Variants in MCUB observed in about 807,000 individuals in gnomAD.
The protein encoded by MCUB is mitochondrial calcium uniporter dominant negative subunit beta, also known as calcium uniporter regulatory subunit MCUb, mitochondrial.
MCUB carries 46 observed loss-of-function variants against 41.4 expected under a neutral mutation model. That is an observed-to-expected ratio of 1.11 (90% CI 0.88 to 1.42). The LOEUF (loss-of-function observed/expected upper bound fraction) is 1.42. MCUB is among the 40% of genes most tolerant of loss of function. The pLI is 0.00. For missense variants in MCUB, 403 were observed against 404.9 expected, an observed-to-expected ratio of 1.00 and a Z score of 0.04; for synonymous variants, 148 against 148.2, an observed-to-expected ratio of 1.00 and a Z score of 0.01.
intron 1 of MCUB, among the ~76,000 whole-genome samples, chr4:109,658,319 C>CA (rs1729150038): frequency 6.6e-6 from 1 of 150,674 alleles, no homozygotes; most frequent in Non-Finnish European, 1.5e-5. Flanking sequence ...TTTTTTAAGA[C>CA]AGAGTTTTGC....
chr4:109,663,885 G>A (rs1326496983), intron 3 of MCUB, among the ~76,000 whole-genome samples: 2 of 151,038 alleles, frequency 1.3e-5, no homozygotes, highest in Non-Finnish European at 2.9e-5. Flanking sequence ...GGTTAACCCA[G>A]TAACCACCTG....
intron 1 of MCUB, among the ~76,000 whole-genome samples, chr4:109,590,542 TA>T (rs1399477680): frequency 1.3e-5 from 2 of 152,258 alleles, no homozygotes; most frequent in Non-Finnish European, 2.9e-5. Flanking sequence ...GTGCATACAT[TA>T]CAAGTCAAAT....
intron 4 of MCUB, among the ~76,000 whole-genome samples, chr4:109,679,092 C>A (rs1729654358): frequency 6.9e-6 from 1 of 144,424 alleles, no homozygotes; most frequent in Admixed American, 6.9e-5. Context: ...CCATTAGGGG[C>A]AGCCGGGCAG....
intron 1 of MCUB, among the ~76,000 whole-genome samples, chr4:109,625,882 T>C (rs1728349784): frequency 6.6e-6 from 1 of 152,228 alleles, no homozygotes; most frequent in South Asian, 2.1e-4. Context: ...CTTTAGGTTG[T>C]CTTAAATTAT....
intron 1 of MCUB, among the ~76,000 whole-genome samples, chr4:109,647,494 GT>G (rs1248354253): frequency 6.6e-6 from 1 of 151,536 alleles, no homozygotes; most frequent in Non-Finnish European, 1.5e-5. Context: ...GTTCCTCCAT[GT>G]CTTTTCATGG....
At chr4:109,582,538 T>G (rs541219532) in intron 1 of MCUB, among the ~76,000 whole-genome samples, 1 of 129,242 alleles carries the variant, frequency 7.7e-6, no homozygotes, top group African/African-American at 2.9e-5. Context: ...TAATAAAATT[T>G]AAAAAAAAAA....
At chr4:109,643,375 G>C (rs2126140864) in intron 1 of MCUB, among the ~76,000 whole-genome samples, 1 of 151,500 alleles carries the variant, frequency 6.6e-6, no homozygotes, top group Non-Finnish European at 1.5e-5. Flanking sequence ...AGCAAGGACG[G>C]GGTTTCAGTA....
At chr4:109,669,974 AG>A (rs2126147453) in intron 4 of MCUB, among the ~76,000 whole-genome samples, 1 of 152,204 alleles carries the variant, frequency 6.6e-6, no homozygotes, top group South Asian at 2.1e-4. Context: ...AGTTATTTCA[AG>A]TTGCTAGTCC....
intron 4 of MCUB, among the ~76,000 whole-genome samples, chr4:109,670,609 G>A (rs1208167004): frequency 6.6e-6 from 1 of 151,848 alleles, no homozygotes; most frequent in Non-Finnish European, 1.5e-5. Flanking sequence ...ACAGGTACTC[G>A]GGAGGCTGAG....
chr4:109,627,988 TATAAC>T (rs1462471655), intron 1 of MCUB, among the ~76,000 whole-genome samples: 2 of 151,528 alleles, frequency 1.3e-5, no homozygotes, highest in East Asian at 3.9e-4. Flanking sequence ...AAAGGGAACA[TATAAC>T]ATATAAGTCA....
chr4:109,653,179 A>G (rs1292595409), intron 1 of MCUB, among the ~76,000 whole-genome samples: 1 of 152,118 alleles, frequency 6.6e-6, no homozygotes, highest in African/African-American at 2.4e-5. Context: ...GTTCAAGACC[A>G]GCCTGACCAA....
intron 1 of MCUB, among the ~76,000 whole-genome samples, chr4:109,645,157 T>C (rs955891993): frequency 6.6e-6 from 1 of 152,160 alleles, no homozygotes; most frequent in Non-Finnish European, 1.5e-5. Context: ...TTATTCTTTT[T>C]CTTGATAAAC....
intron 1 of MCUB, among the ~76,000 whole-genome samples, chr4:109,587,166 C>T (rs563429445): frequency 1.2e-4 from 19 of 152,358 alleles, no homozygotes; most frequent in African/African-American, 2.4e-4. Context: ...TCAGCAATGG[C>T]GGATGCCCCT....
intron 7 of MCUB, 43 bp from the exon 8 acceptor site, chr4:109,687,472 T>TCTC: frequency 2.2e-6 from 3 of 1,360,584 alleles, no homozygotes; most frequent in Non-Finnish European, 2.1e-6. Flanking sequence ...TTGGTATGTT[T>TCTC]CTCTTCTTTC....
rs187387385 is a variant in MCUB at position 109,572,786 on chromosome 4, A to G, written c.99+12350A>G. On this transcript the variant is annotated intron_variant, in intron 1 of 7. Coordinates refer to ENST00000394650, the MANE Select transcript of MCUB (RefSeq NM_017918.5). ...CTTTGAGATATTAGATATATTTTCA[A>G]TGGCTTTTCATACTACTACAATATA... Among the ~76,000 whole-genome samples, 710 of 152,242 alleles carry G rather than the reference A, an allele frequency of 4.7e-3. 2 individuals carry two copies. The highest frequency in any genetic ancestry group is 7.4e-3 in the Non-Finnish European group (502 of 67,992).
intron 1 of MCUB, among the ~76,000 whole-genome samples, chr4:109,632,463 T>C (rs1472774232): frequency 1.3e-5 from 2 of 152,214 alleles, no homozygotes; most frequent in South Asian, 2.1e-4. Flanking sequence ...AATAATTTAT[T>C]GCTCTCACAG....
At chr4:109,637,339 A>C (rs1364188787) in intron 1 of MCUB, among the ~76,000 whole-genome samples, 1 of 152,226 alleles carries the variant, frequency 6.6e-6, no homozygotes, top group African/African-American at 2.4e-5. Flanking sequence ...CACTCAGTAC[A>C]TACTAGGTGT....
chr4:109,670,037 G>A (rs1420884703), intron 4 of MCUB, among the ~76,000 whole-genome samples: 1 of 152,156 alleles, frequency 6.6e-6, no homozygotes, highest in Non-Finnish European at 1.5e-5. Context: ...TGCTTATTCT[G>A]TCTGTTCAAA....
intron 1 of MCUB, among the ~76,000 whole-genome samples, chr4:109,568,799 C>T (rs899591128): frequency 1.3e-5 from 2 of 152,126 alleles, no homozygotes; most frequent in Non-Finnish European, 2.9e-5. Context: ...TCTGTGATCC[C>T]CTCTGCCCTG....
Sources: gnomAD v4.1 joint callset for allele counts (sites outside exome capture counted in the v4.1 genomes callset) on GRCh38, gnomAD v4.1.1 for gene constraint, MANE v1.5 for transcripts, NCBI Gene and HGNC (gene_info 2026-07-23, HGNC 2026-07-21) for gene names.